Variants in P4HA1 observed in about 807,000 individuals in gnomAD.
P4HA1 encodes the protein prolyl 4-hydroxylase subunit alpha 1, also known as prolyl 4-hydroxylase subunit alpha-1.
A neutral mutation model predicts 72.8 loss-of-function variants in P4HA1; 24 were observed. The observed-to-expected ratio is 0.33, with a 90% CI of 0.24 to 0.46. P4HA1 has a LOEUF of 0.46. Among genes scored for constraint, P4HA1 ranks in the 20% least tolerant of loss-of-function variants. The probability of loss-of-function intolerance (pLI) is 1.00; values close to 1 mark genes in which losing one functional copy is unlikely to be tolerated. For synonymous variants in P4HA1, 201 were observed against 218.8 expected (o/e 0.92, Z 0.72); for missense variants, 446 against 640.6 (o/e 0.70, Z 3.28).
At chr10:73,044,910 A>C in intron 9 of P4HA1, 71 bp downstream of exon 9, 1 of 1,267,034 alleles carries the variant, frequency 7.9e-7, no homozygotes, top group South Asian at 1.3e-5. Context: ...ACTTTCCTTA[A>C]ATGAATAATT....
rs147498716 is a variant in P4HA1 at position 73,047,094 on chromosome 10, C to T, written c.908G>A (p.Arg303Gln). 1.7e-5 allele frequency: 28 copies of T among 1,608,616 alleles called. No homozygotes were observed. The highest frequency in any genetic ancestry group is 6.7e-5 in the East Asian group (3 of 44,802). The change falls in exon 8 of 15, where the codon CGG becomes CAG. Residue 303 changes from arginine to glutamine, a missense_variant. Transcript: ENST00000394890. ...CRGEGIKMTP[R>Q]RQKKLFCRYH... ...GCGGCAAAAGAGTTTTTTCTGTCTC[C>T]GAGGGGTCTAAACATAAAGTTAAGA...
At chr10:73,075,813 C>T (rs1410867675) in intron 1 of P4HA1, among the ~76,000 whole-genome samples, 1 of 151,762 alleles carries the variant, frequency 6.6e-6, no homozygotes, top group Non-Finnish European at 1.5e-5. Context: ...TCAGGTGATC[C>T]GCCCACCTCA....
chr10:73,095,591 C>A (rs144205799), intron 1 of P4HA1, among the ~76,000 whole-genome samples: 1 of 151,944 alleles, frequency 6.6e-6, no homozygotes, highest in Non-Finnish European at 1.5e-5. Flanking sequence ...GCCCCTCCCC[C>A]CTTCACGTAG....
At chr10:73,068,290 C>A in intron 5 of P4HA1, among the ~76,000 whole-genome samples, 2 of 152,166 alleles carry the variant, frequency 1.3e-5, no homozygotes, top group East Asian at 3.9e-4. Context: ...CTGACAATAA[C>A]AGGAGATAGT....
intron 4 of P4HA1, among the ~76,000 whole-genome samples, chr10:73,071,596 A>G (rs545004461): frequency 9.9e-5 from 15 of 152,272 alleles, no homozygotes; most frequent in African/African-American, 3.6e-4. Context: ...TTGCAGCCTC[A>G]GTTTGATTGT....
chr10:73,021,567 A>T (rs575558528), intron 10 of P4HA1, among the ~76,000 whole-genome samples: 1 of 152,318 alleles, frequency 6.6e-6, no homozygotes, highest in Admixed American at 6.5e-5. Flanking sequence ...GACAAATATC[A>T]CATGTTCTCA....
chr10:73,096,135 C>T (rs145368963), intron 1 of P4HA1, among the ~76,000 whole-genome samples: 16 of 152,334 alleles, frequency 1.1e-4, no homozygotes, highest in African/African-American at 3.8e-4. Flanking sequence ...TTCCTCGGCG[C>T]TACGAGCAGA....
Position 73,072,174 on chromosome 10 carries a change from T to C in P4HA1, c.180A>G (p.Ala60=). The C allele has an allele frequency of 6.2e-7, 1 of 1,611,254 alleles. No homozygotes were observed. Among genetic ancestry groups the C allele is most frequent in the South Asian group, 1.1e-5 (1 of 90,818 alleles). ...TACTAGTTAGCCGATCTAACTTCTC[T>C]GCCCATCTACAGATGTAAAACATAA... The part of the protein sequence containing the change: ...EDKLEQIKKW[A]EKLDRLTSTA... Residue 60 remains alanine, a synonymous_variant, in exon 4 of 15, where the codon GCA becomes GCG. Coordinates refer to ENST00000394890, the MANE Select transcript of P4HA1 (RefSeq NM_001017962.3).
chr10:73,090,472 C>A (rs1014339807), intron 1 of P4HA1, among the ~76,000 whole-genome samples: 2 of 152,114 alleles, frequency 1.3e-5, no homozygotes, highest in Admixed American at 1.3e-4. Flanking sequence ...TGTTCCTTAT[C>A]TTGATTGTAC....
intron 5 of P4HA1, 54 bp from the exon 6 acceptor site, chr10:73,053,644 A>AT: frequency 6.8e-7 from 1 of 1,478,274 alleles, no homozygotes. Context: ...CTGTGTATTT[A>AT]TTTAGGACTA....
chr10:73,045,655 T>C (rs1330410064), intron 8 of P4HA1, among the ~76,000 whole-genome samples: 1 of 152,062 alleles, frequency 6.6e-6, no homozygotes, highest in Non-Finnish European at 1.5e-5. Context: ...ACCGCCTAGA[T>C]AATAATTTCA....
chr10:73,019,433 A>G (rs1840083483), intron 10 of P4HA1, among the ~76,000 whole-genome samples: 1 of 152,178 alleles, frequency 6.6e-6, no homozygotes, highest in Admixed American at 6.5e-5. Context: ...TGTAAAGGAA[A>G]TCAACACCTA....
chr10:73,026,672 C>T (rs1231136413), intron 10 of P4HA1, among the ~76,000 whole-genome samples: 2 of 152,140 alleles, frequency 1.3e-5, no homozygotes, highest in Admixed American at 6.5e-5. Context: ...AACAGGCAAC[C>T]TACAGAATGG....
At chr10:73,078,576 C>T (rs974816250) in intron 1 of P4HA1, among the ~76,000 whole-genome samples, 2 of 138,022 alleles carry the variant, frequency 1.4e-5, no homozygotes, top group African/African-American at 5.5e-5. Context: ...GTGTAATTGT[C>T]TCTGGTTAGC....
intron 13 of P4HA1, among the ~76,000 whole-genome samples, chr10:73,010,469 A>G (rs1839890594): frequency 6.6e-6 from 1 of 152,228 alleles, no homozygotes; most frequent in Admixed American, 6.5e-5. Context: ...GATGGAGGGG[A>G]AAACACAATG....
At chr10:73,068,628 T>G (rs1841479494) in intron 5 of P4HA1, among the ~76,000 whole-genome samples, 1 of 152,156 alleles carries the variant, frequency 6.6e-6, no homozygotes, top group East Asian at 1.9e-4. Context: ...TCTCTATCAA[T>G]ACAAGCTTTC....
At chr10:73,034,886 A>G (rs1377255889) in intron 9 of P4HA1, among the ~76,000 whole-genome samples, 2 of 151,970 alleles carry the variant, frequency 1.3e-5, no homozygotes, top group African/African-American at 4.8e-5. Flanking sequence ...CAGCCAAAAT[A>G]ATGTTTTCAA....
intron 10 of P4HA1, 146 bp from the exon 11 acceptor site, chr10:73,017,045 C>A: frequency 1.8e-6 from 1 of 560,808 alleles, no homozygotes; most frequent in South Asian, 2.1e-5. Context: ...AACAAGAGTT[C>A]CTATGAAAAC....
intron 1 of P4HA1, among the ~76,000 whole-genome samples, chr10:73,091,252 C>CA (rs1182783001): frequency 1.3e-5 from 2 of 151,930 alleles, no homozygotes; most frequent in Non-Finnish European, 2.9e-5. Flanking sequence ...GTCACACACA[C>CA]AAGTAACATT....
Sources: allele counts gnomAD v4.1 joint callset (sites outside exome capture counted in the v4.1 genomes callset), GRCh38; gene constraint gnomAD v4.1.1; transcripts MANE v1.5; gene names NCBI Gene and HGNC (gene_info 2026-07-23, HGNC 2026-07-21).